Variants in NRXN1 observed in about 807,000 individuals in gnomAD.
NRXN1 encodes the protein neurexin 1.
NRXN1 carries 39 observed loss-of-function variants against 150.9 expected under a neutral mutation model. The observed-to-expected ratio is 0.26, with a 90% CI of 0.20 to 0.34. The LOEUF (loss-of-function observed/expected upper bound fraction) is 0.34. Among genes scored for constraint, NRXN1 ranks in the 10% least tolerant of loss-of-function variants. The pLI is 1.00. For missense variants in NRXN1, 1,815 were observed against 1,949.9 expected (o/e 0.93, Z 1.30); for synonymous variants, 924 against 757.0 (o/e 1.22, Z -3.62).
chr2:50,370,454 G>C (rs1427978443), intron 17 of NRXN1, among the ~76,000 whole-genome samples: 3 of 151,890 alleles, frequency 2.0e-5, no homozygotes, highest in Admixed American at 6.6e-5. Flanking sequence ...TAAATGTCTG[G>C]TGCTGCTGTT....
At chr2:50,803,699 G>C (rs1667127525) in intron 5 of NRXN1, among the ~76,000 whole-genome samples, 1 of 152,172 alleles carries the variant, frequency 6.6e-6, no homozygotes, top group Admixed American at 6.5e-5. Flanking sequence ...CAGCCTTGCT[G>C]AATATTGCTC....
chr2:50,613,190 A>G (rs560082186), intron 8 of NRXN1, among the ~76,000 whole-genome samples: 99 of 152,310 alleles, frequency 6.5e-4, no homozygotes, highest in African/African-American at 2.3e-3. Context: ...TGCCAAAAAC[A>G]TTAAGCCCAT....
intron 21 of NRXN1, among the ~76,000 whole-genome samples, chr2:49,945,497 C>T (rs953286005): frequency 6.6e-5 from 10 of 151,716 alleles, no homozygotes; most frequent in Non-Finnish European, 1.2e-4. Flanking sequence ...ATCAACCTGT[C>T]ATCTACATTA....
intron 15 of NRXN1, among the ~76,000 whole-genome samples, chr2:50,494,780 C>T (rs547528819): frequency 1.3e-5 from 2 of 152,130 alleles, no homozygotes; most frequent in Non-Finnish European, 2.9e-5. Context: ...CACCTGTAAT[C>T]CTAGCATTTT....
chr2:50,265,995 A>ATTTTTTTT (rs1491084411), intron 17 of NRXN1, among the ~76,000 whole-genome samples: 2 of 76,860 alleles, frequency 2.6e-5, no homozygotes, highest in African/African-American at 1.5e-4. Flanking sequence ...TATTATTATT[A>ATTTTTTTT]TTATTTATTT....
rs532328136 is a variant in NRXN1 at position 50,572,526 on chromosome 2, T to C, written c.1321-19501A>G. On this transcript the variant is annotated intron_variant, in intron 8 of 22. Coordinates refer to ENST00000401669, the MANE Select transcript of NRXN1 (RefSeq NM_001330078.2). The stretch of plus-strand genomic sequence containing the variant: ...TAGCCATCACTGATTATTTCCAATA[T>C]GTACCAGTCAGTATGCATTGCAGCC... Among the ~76,000 whole-genome samples the C allele has an allele frequency of 8.5e-5, 13 of 152,330 alleles. 1 individual carries two copies. In the East Asian group the frequency reaches 1.5e-3, roughly 18 times the overall value.
chr2:50,689,516 C>T (rs977037012), intron 5 of NRXN1, among the ~76,000 whole-genome samples: 3 of 152,174 alleles, frequency 2.0e-5, no homozygotes, highest in Non-Finnish European at 4.4e-5. Flanking sequence ...CTCAAAGTTA[C>T]ATTCTCTTTG....
At chr2:50,129,179 T>C (rs1705099303) in intron 18 of NRXN1, among the ~76,000 whole-genome samples, 1 of 148,682 alleles carries the variant, frequency 6.7e-6, no homozygotes, top group Non-Finnish European at 1.5e-5. Flanking sequence ...ATCAGTTTTA[T>C]GATATTTATG....
At chr2:50,528,545 GCTCTCT>G (rs879193242) in intron 12 of NRXN1, 74 bp downstream of exon 12, 2 of 781,188 alleles carry the variant, frequency 2.6e-6, no homozygotes, top group Non-Finnish European at 2.1e-6. Context: ...CATTTCTCTT[GCTCTCT>G]CTCTCTCTTT....
At chr2:50,806,647 A>T (rs1196721978) in intron 5 of NRXN1, among the ~76,000 whole-genome samples, 1 of 152,138 alleles carries the variant, frequency 6.6e-6, no homozygotes, top group Non-Finnish European at 1.5e-5. Context: ...TATATTTTTT[A>T]AAATTTAGTA....
intron 2 of NRXN1, among the ~76,000 whole-genome samples, chr2:51,002,087 G>C (rs1425546280): frequency 6.6e-6 from 1 of 151,886 alleles, no homozygotes. Flanking sequence ...ATCAAACCTA[G>C]CACAAAATAC....
intron 19 of NRXN1, among the ~76,000 whole-genome samples, chr2:50,063,542 CAACA>C (rs1446931137): frequency 0.022 from 2,017 of 91,844 alleles, 52 homozygotes; most frequent in African/African-American, 0.099. Flanking sequence ...CTGCCCACCT[CAACA>C]GACACACACA....
Position 50,922,796 on chromosome 2 carries a change from C to A in NRXN1, c.791-109G>T, listed in dbSNP as rs373673787. 6 of 1,083,930 alleles carry A rather than the reference C, an allele frequency of 5.5e-6. No homozygotes were observed. The South Asian group carries it at 8.0e-5, about 14-fold the overall frequency. 67.1% of individuals were successfully genotyped at this position (1,083,930 alleles called of 1,614,324 possible). ...GACAGACATCTCTTTTCCTATGAGACATGTCTGTATCACAGAGGCAAATCA... is the reference window on the plus strand; with the variant it reads ...GACAGACATCTCTTTTCCTATGAGAAATGTCTGTATCACAGAGGCAAATCA... On this transcript the variant is annotated intron_variant, in intron 3 of 22. Transcript: ENST00000401669.
chr2:50,291,238 C>G, intron 17 of NRXN1, among the ~76,000 whole-genome samples: 1 of 148,128 alleles, frequency 6.8e-6, no homozygotes, highest in East Asian at 1.9e-4. Context: ...AACAAATAAC[C>G]TGGTTTATTT....
chr2:50,820,342 G>A (rs969957474), intron 5 of NRXN1, among the ~76,000 whole-genome samples: 4 of 152,054 alleles, frequency 2.6e-5, no homozygotes, highest in African/African-American at 7.2e-5. Context: ...CAGGTGTTGT[G>A]TGTCCCATAA....
At chr2:50,914,876 C>T (rs955605889) in intron 5 of NRXN1, among the ~76,000 whole-genome samples, 1 of 151,636 alleles carries the variant, frequency 6.6e-6, no homozygotes, top group South Asian at 2.1e-4. Context: ...TATTGAGTAT[C>T]TATTTGTGCC....
intron 18 of NRXN1, among the ~76,000 whole-genome samples, chr2:50,120,827 A>C (rs1326316559): frequency 6.6e-6 from 1 of 152,214 alleles, no homozygotes; most frequent in Admixed American, 6.5e-5. Context: ...CTGATGCCAC[A>C]AAAGTTATAT....
intron 5 of NRXN1, among the ~76,000 whole-genome samples, chr2:50,727,463 C>A (rs557878858): frequency 6.6e-6 from 1 of 150,836 alleles, no homozygotes; most frequent in African/African-American, 2.4e-5. Flanking sequence ...CACACACCTA[C>A]ACATCCTTCC....
At chr2:50,809,991 T>G (rs1668003070) in intron 5 of NRXN1, among the ~76,000 whole-genome samples, 1 of 152,182 alleles carries the variant, frequency 6.6e-6, no homozygotes, top group South Asian at 2.1e-4. Flanking sequence ...TCACTGAACC[T>G]ACTAGTATAC....
Sources: gnomAD v4.1 joint callset for allele counts (sites outside exome capture counted in the v4.1 genomes callset) on GRCh38, gnomAD v4.1.1 for gene constraint, MANE v1.5 for transcripts, NCBI Gene and HGNC (gene_info 2026-07-23, HGNC 2026-07-21) for gene names.